RFWD3: variants seen among roughly 807,000 people sequenced by gnomAD.
RFWD3 encodes ring finger and WD repeat domain 3.
A neutral mutation model predicts 87.7 loss-of-function variants in RFWD3; 65 were observed. The observed-to-expected ratio is 0.74, with a 90% CI of 0.61 to 0.91. RFWD3 has a LOEUF of 0.91. RFWD3 is among the 40% of genes least tolerant of loss of function. The pLI, the probability that RFWD3 is intolerant of heterozygous loss-of-function variation, is 0.00. For synonymous variants in RFWD3, 433 were observed against 352.8 expected (o/e 1.23, Z -2.55); for missense variants, 1,078 against 938.5 (o/e 1.15, Z -1.94).
At chr16:74,647,512 T>G (rs1019754038) in intron 4 of RFWD3, among the ~76,000 whole-genome samples, 1 of 152,182 alleles carries the variant, frequency 6.6e-6, no homozygotes, top group Admixed American at 6.5e-5. Flanking sequence ...GGTCTCAAAC[T>G]CCTGTGCTCA....
intron 4 of RFWD3, 145 bp downstream of exon 4, chr16:74,648,987 T>C (rs1960376242): frequency 4.6e-6 from 2 of 435,914 alleles, no homozygotes; most frequent in South Asian, 6.0e-5. Flanking sequence ...GAGGCTGAAG[T>C]GGGAGGATCC....
At chr16:74,624,498 C>T (rs1011080253) in intron 12 of RFWD3, among the ~76,000 whole-genome samples, 8 of 152,188 alleles carry the variant, frequency 5.3e-5, no homozygotes, top group East Asian at 1.9e-4. Flanking sequence ...TGGGTTCCAG[C>T]GATTCTCATG....
chr16:74,649,022 C>T (rs1041565954), intron 4 of RFWD3, 110 bp downstream of exon 4: 1 of 579,342 alleles, frequency 1.7e-6, no homozygotes. Flanking sequence ...TTTGAAACTG[C>T]AGTGAGTTAT....
At chr16:74,654,434 A>G (rs1184519852) in intron 2 of RFWD3, among the ~76,000 whole-genome samples, 2 of 152,186 alleles carry the variant, frequency 1.3e-5, no homozygotes, top group East Asian at 3.8e-4. Context: ...TCACACCCAT[A>G]TAAGATGGTG....
chr16:74,662,529 G>C (rs914093286), intron 1 of RFWD3, among the ~76,000 whole-genome samples: 9 of 152,194 alleles, frequency 5.9e-5, no homozygotes, highest in African/African-American at 2.2e-4. Context: ...AGGAGACAAA[G>C]AGGACCAACT....
At chr16:74,645,105 G>A (rs1434577096) in intron 4 of RFWD3, among the ~76,000 whole-genome samples, 1 of 152,176 alleles carries the variant, frequency 6.6e-6, no homozygotes, top group Non-Finnish European at 1.5e-5. Flanking sequence ...TGGTCAATAA[G>A]TGTTTGCTTA....
At chr16:74,638,017 A>T in intron 6 of RFWD3, 47 bp from the exon 7 acceptor site, 2 of 1,284,456 alleles carry the variant, frequency 1.6e-6, no homozygotes, top group Non-Finnish European at 2.2e-6. Context: ...AAGGCTACAG[A>T]AGACTTCCCA....
intron 4 of RFWD3, among the ~76,000 whole-genome samples, chr16:74,645,248 A>G (rs559639432): frequency 6.6e-6 from 1 of 152,352 alleles, no homozygotes; most frequent in Admixed American, 6.5e-5. Flanking sequence ...CCTTAAATGT[A>G]AAGTGGCACA....
intron 2 of RFWD3, among the ~76,000 whole-genome samples, chr16:74,653,809 C>T (rs1212149100): frequency 6.6e-6 from 1 of 152,122 alleles, no homozygotes; most frequent in African/African-American, 2.4e-5. Flanking sequence ...AGTTTGGCTG[C>T]AATTTATTGA....
intron 2 of RFWD3, among the ~76,000 whole-genome samples, chr16:74,654,774 C>T (rs1444156603): frequency 6.6e-6 from 1 of 152,200 alleles, no homozygotes; most frequent in African/African-American, 2.4e-5. Context: ...ACAGCGAATA[C>T]ATGAATGATA....
chr16:74,641,902 G>A (rs1959678799), intron 6 of RFWD3, among the ~76,000 whole-genome samples: 1 of 118,644 alleles, frequency 8.4e-6, no homozygotes, highest in Non-Finnish European at 1.6e-5. Context: ...AATCCAGCCT[G>A]GGCAACAAGA....
In RFWD3 at chr16:74,652,273, G is replaced by C. The variant is rs1328268959; in HGVS notation, c.519-151C>G. ...AAGCTGAAGCAGGTATAGCAGATAA[G>C]GGGGGGAGACTGGCCTCCTAGATAT... is the stretch of plus-strand genomic sequence containing the variant. On this transcript the variant is annotated intron_variant, in intron 2 of 12. Coordinates refer to ENST00000361070, the MANE Select transcript of RFWD3 (RefSeq NM_018124.4). 4.3e-5 allele frequency: 28 copies of C among 653,320 alleles called. No individual in the cohort carries two copies. In the South Asian group the frequency reaches 4.5e-4, roughly 11 times the overall value. 40.5% of individuals were successfully genotyped at this position (653,320 alleles called of 1,614,324 possible). A position where few individuals can be genotyped will look rare whatever the true frequency, so the allele number is the denominator to read the frequency against.
rs781708043 is a variant in RFWD3, at chr16:74,650,353, C to CT, written c.722-1152dup. Among the ~76,000 whole-genome samples the CT allele has an allele frequency of 2.4e-3, 320 of 133,356 alleles. 1 individual carries two copies. The highest frequency in any genetic ancestry group is 4.3e-3 in the African/African-American group (156 of 36,598). The allele number at this position is 133,356 out of a possible 152,430, so 87.5% of individuals were successfully genotyped here. On this transcript the variant is annotated intron_variant, in intron 3 of 12. Coordinates refer to ENST00000361070, the MANE Select transcript of RFWD3 (RefSeq NM_018124.4). ...AAAACAGTCTTGAGTAGATTCAGGG[C>CT]TTTTTTTTTTTTTTGGCAATGGGGG... is the stretch of plus-strand genomic sequence containing the variant.
Position 74,623,696 on chromosome 16 carries a change from G to T in RFWD3, c.*232C>A. The T allele has an allele frequency of 2.3e-6, 1 of 433,276 alleles. No homozygotes were observed. The highest frequency in any genetic ancestry group is 4.1e-6 in the Non-Finnish European group (1 of 245,848). 26.8% of individuals were successfully genotyped at this position (433,276 alleles called of 1,614,324 possible). On this transcript the variant is annotated 3_prime_UTR_variant, in exon 13 of 13. Transcript: ENST00000361070. ...TGGTTAATGAAGGCTTTAAACCCAA[G>T]AAATGGATAATGTAGATAAAGTACC...
chr16:74,664,827 G>A (rs1016848073), intron 1 of RFWD3: 1 of 152,172 alleles, frequency 6.6e-6, no homozygotes, highest in African/African-American at 2.4e-5. Flanking sequence ...CACACATAGG[G>A]CGGGTGACTC....
chr16:74,653,610 T>A (rs1395203964), intron 2 of RFWD3, among the ~76,000 whole-genome samples: 1 of 152,122 alleles, frequency 6.6e-6, no homozygotes, highest in Non-Finnish European at 1.5e-5. Context: ...GCCAGAAGTT[T>A]GAGACCAGAC....
At position 74,661,133 on chromosome 16, in the gene RFWD3, G is replaced by A; in HGVS notation, c.317C>T (p.Ser106Phe). 1 of 1,614,192 alleles carries A rather than the reference G, an allele frequency of 6.2e-7. No homozygotes were observed. The highest frequency in any genetic ancestry group is 8.5e-7 in the Non-Finnish European group (1 of 1,180,040). ...TGCTGGGATGGTGTGATTACCATCA[G>A]ATCCCTGCCTATGTTGTTCTGAAGT... ...PRTSEQHRQG[S>F]DGNHTIPASS... The change falls in exon 2 of 13, where the codon TCT becomes TTT. Residue 106 changes from serine to phenylalanine, a missense_variant. Transcript: ENST00000361070.
intron 3 of RFWD3, among the ~76,000 whole-genome samples, chr16:74,651,610 G>C (rs1345694579): frequency 6.6e-6 from 1 of 152,120 alleles, no homozygotes; most frequent in African/African-American, 2.4e-5. Flanking sequence ...GGGGGACAGA[G>C]CCAGACCTTG....
chr16:74,647,463 T>C (rs1209039837), intron 4 of RFWD3, among the ~76,000 whole-genome samples: 2 of 152,004 alleles, frequency 1.3e-5, no homozygotes, highest in Non-Finnish European at 2.9e-5. Flanking sequence ...AATTTTTGTA[T>C]TTTTAGTAGA....
Sources: allele counts gnomAD v4.1 joint callset (sites outside exome capture counted in the v4.1 genomes callset), GRCh38; gene constraint gnomAD v4.1.1; transcripts MANE v1.5; gene names NCBI Gene and HGNC (gene_info 2026-07-23, HGNC 2026-07-21).